SHISA9: variants seen among roughly 807,000 people sequenced by gnomAD.
The protein encoded by SHISA9 is shisa family member 9.
In SHISA9, 13 loss-of-function variants were observed where a neutral mutation model predicts 38.0. The ratio of observed to expected loss-of-function variants is 0.34; its 90% confidence interval spans 0.22 to 0.54. The LOEUF (loss-of-function observed/expected upper bound fraction) is 0.54, where lower values mean the gene tolerates loss of function less well. Ranked by LOEUF, SHISA9 falls within the 20% of genes least tolerant of loss-of-function variation. SHISA9 has a pLI of 0.91. For synonymous variants in SHISA9, 275 were observed against 242.0 expected (o/e 1.14, Z -1.27); for missense variants, 538 against 575.8 (o/e 0.93, Z 0.67).
chr16:12,971,126 C>G (rs1168607090), intron 2 of SHISA9, among the ~76,000 whole-genome samples: 4 of 152,300 alleles, frequency 2.6e-5, no homozygotes, highest in African/African-American at 9.6e-5. Flanking sequence ...TCTCTTTTAG[C>G]TGTCTGCACA....
chr16:13,250,645 C>A, the SHISA9 span, among the ~76,000 whole-genome samples: 1 of 152,110 alleles, frequency 6.6e-6, no homozygotes. Flanking sequence ...GAATGGCACC[C>A]ACCAGGTGCT....
the SHISA9 span, among the ~76,000 whole-genome samples, chr16:13,460,561 T>C: frequency 6.6e-6 from 1 of 152,226 alleles, no homozygotes; most frequent in Non-Finnish European, 1.5e-5. Flanking sequence ...TCTAGTAGTT[T>C]GTGTTTTTAG....
At chr16:13,538,921 G>C in the SHISA9 span, among the ~76,000 whole-genome samples, 1 of 152,032 alleles carries the variant, frequency 6.6e-6, no homozygotes, top group East Asian at 1.9e-4. Context: ...AATATGTAAA[G>C]AGATGATAAG....
At chr16:13,007,881 C>T (rs1243067346) in intron 2 of SHISA9, among the ~76,000 whole-genome samples, 1 of 152,154 alleles carries the variant, frequency 6.6e-6, no homozygotes, top group Non-Finnish European at 1.5e-5. Flanking sequence ...TTTTATCCTA[C>T]AATGGAAGGG....
At chr16:13,003,974 TGGG>T (rs2072562356) in intron 2 of SHISA9, among the ~76,000 whole-genome samples, 1 of 152,128 alleles carries the variant, frequency 6.6e-6, no homozygotes, top group Admixed American at 6.5e-5. Flanking sequence ...AGCTATGTGT[TGGG>T]GGTGCTTTCT....
the SHISA9 span, among the ~76,000 whole-genome samples, chr16:13,312,289 C>T: frequency 1.3e-5 from 2 of 152,264 alleles, no homozygotes; most frequent in African/African-American, 4.8e-5. Context: ...AGACAGTGGG[C>T]CAGATGTGGC....
intron 2 of SHISA9, among the ~76,000 whole-genome samples, chr16:12,989,491 T>G (rs998196032): frequency 6.6e-6 from 1 of 152,178 alleles, no homozygotes; most frequent in Non-Finnish European, 1.5e-5. Flanking sequence ...ACTCATTAAT[T>G]TTTTATGAGT....
chr16:13,377,754 G>A, the SHISA9 span, among the ~76,000 whole-genome samples: 1 of 152,304 alleles, frequency 6.6e-6, no homozygotes, highest in South Asian at 2.1e-4. Context: ...AAGGCCGGGT[G>A]CAGTGGCTCA....
chr16:13,161,910 C>G (rs535440425), intron 2 of SHISA9, among the ~76,000 whole-genome samples: 2 of 152,108 alleles, frequency 1.3e-5, no homozygotes, highest in African/African-American at 4.8e-5. Flanking sequence ...ATTGGTGATA[C>G]ACATTGCATT....
chr16:13,168,227 C>G (rs2050654861), intron 2 of SHISA9, among the ~76,000 whole-genome samples: 1 of 152,204 alleles, frequency 6.6e-6, no homozygotes, highest in Admixed American at 6.5e-5. Flanking sequence ...CCTAATCACC[C>G]CAGGGCCAGT....
chr16:13,529,619 T>G, the SHISA9 span, among the ~76,000 whole-genome samples: 1 of 152,252 alleles, frequency 6.6e-6, no homozygotes, highest in Non-Finnish European at 1.5e-5. Context: ...TTCCCTGGGC[T>G]GCAGTCACGC....
At chr16:13,352,699 A>AGCGGG in the SHISA9 span, among the ~76,000 whole-genome samples, 1 of 6,698 alleles carries the variant, frequency 1.5e-4, no homozygotes, top group Admixed American at 1.9e-3. Flanking sequence ...AAGGGAGATA[A>AGCGGG]GGGGGGGGGG....
At chr16:12,990,628 G>A (rs1376499587) in intron 2 of SHISA9, among the ~76,000 whole-genome samples, 9 of 152,180 alleles carry the variant, frequency 5.9e-5, no homozygotes, top group Non-Finnish European at 1.3e-4. Flanking sequence ...ATGTGGCAAT[G>A]TCTGAAGACC....
chr16:13,454,033 G>C, the SHISA9 span, among the ~76,000 whole-genome samples: 4 of 152,252 alleles, frequency 2.6e-5, no homozygotes, highest in East Asian at 7.7e-4. Context: ...TCTTCGAAGA[G>C]TACCAGTGAG....
chr16:13,137,425 C>T (rs773747236), intron 2 of SHISA9, among the ~76,000 whole-genome samples: 1 of 151,842 alleles, frequency 6.6e-6, no homozygotes, highest in Non-Finnish European at 1.5e-5. Flanking sequence ...TAGGGAGGCT[C>T]GTTAGAGAGC....
intron 2 of SHISA9, among the ~76,000 whole-genome samples, chr16:13,072,133 C>T (rs1368555225): frequency 6.6e-6 from 1 of 152,246 alleles, no homozygotes; most frequent in African/African-American, 2.4e-5. Flanking sequence ...CATCAGTCTC[C>T]TAGTGGACCG....
chr16:13,252,111 G>A, the SHISA9 span, among the ~76,000 whole-genome samples: 2 of 152,078 alleles, frequency 1.3e-5, no homozygotes. Flanking sequence ...TTAAATCAAA[G>A]TCCTTAAAAC....
the SHISA9 span, among the ~76,000 whole-genome samples, chr16:13,494,357 C>A: frequency 2.0e-5 from 3 of 152,104 alleles, no homozygotes. Context: ...ATTGGGGACA[C>A]TAAAGAACCC....
chr16:13,446,535 C>A, the SHISA9 span, among the ~76,000 whole-genome samples: 1 of 151,928 alleles, frequency 6.6e-6, no homozygotes, highest in Non-Finnish European at 1.5e-5. Flanking sequence ...GCAGTGAGAC[C>A]AATAAGATGT....
Sources: gnomAD v4.1 joint callset for allele counts (sites outside exome capture counted in the v4.1 genomes callset) on GRCh38, gnomAD v4.1.1 for gene constraint, MANE v1.5 for transcripts, NCBI Gene and HGNC (gene_info 2026-07-23, HGNC 2026-07-21) for gene names.